LDB2: variants seen among roughly 807,000 people sequenced by gnomAD.
LDB2 encodes LIM domain binding 2, also known as LIM domain-binding protein 2.
In LDB2, 12 loss-of-function variants were observed where a neutral mutation model predicts 44.3. The ratio of observed to expected loss-of-function variants is 0.27; its 90% CI spans 0.17 to 0.44. The LOEUF (loss-of-function observed/expected upper bound fraction) is 0.44. Among genes scored for constraint, LDB2 ranks in the 20% least tolerant of loss-of-function variants. The pLI is 1.00. For missense variants in LDB2, 344 were observed against 473.5 expected (o/e 0.73, Z 2.54); for synonymous variants, 164 against 174.8 (o/e 0.94, Z 0.49).
intron 2 of LDB2, among the ~76,000 whole-genome samples, chr4:16,742,699 T>C (rs1292523962): frequency 6.6e-6 from 1 of 152,200 alleles, no homozygotes; most frequent in African/African-American, 2.4e-5. Context: ...GAATCAGGTA[T>C]ACCCAAGAGT....
intron 2 of LDB2, among the ~76,000 whole-genome samples, chr4:16,642,262 C>G (rs1038745454): frequency 5.9e-5 from 9 of 152,024 alleles, no homozygotes; most frequent in African/African-American, 1.2e-4. Context: ...AAGTCTGAAC[C>G]TTCTAGCATG....
At chr4:16,567,037 C>T (rs1397443598) in intron 5 of LDB2, among the ~76,000 whole-genome samples, 1 of 152,172 alleles carries the variant, frequency 6.6e-6, no homozygotes, top group Non-Finnish European at 1.5e-5. Flanking sequence ...GCTGGTGTAA[C>T]TGAAACTTGG....
intron 5 of LDB2, among the ~76,000 whole-genome samples, chr4:16,525,236 A>C (rs1453400631): frequency 1.3e-5 from 2 of 152,134 alleles, no homozygotes; most frequent in African/African-American, 4.8e-5. Flanking sequence ...GCTGCTGATC[A>C]GTGTGGGGAT....
chr4:16,563,071 T>G (rs1348130650), intron 5 of LDB2, among the ~76,000 whole-genome samples: 82 of 132,264 alleles, frequency 6.2e-4, no homozygotes, highest in Admixed American at 8.8e-4. Flanking sequence ...TGTTGTGGGG[T>G]GGGGGGAGAG....
At chr4:16,589,492 ATATATAT>A (rs2152430871) in intron 3 of LDB2, among the ~76,000 whole-genome samples, 1 of 152,320 alleles carries the variant, frequency 6.6e-6, no homozygotes, top group African/African-American at 2.4e-5. Context: ...TCTAAGAATA[ATATATAT>A]TATTAATGAA....
chr4:16,590,695 T>C (rs1470585607), intron 3 of LDB2, among the ~76,000 whole-genome samples: 2 of 152,228 alleles, frequency 1.3e-5, no homozygotes, highest in African/African-American at 4.8e-5. Flanking sequence ...GGGATAATTA[T>C]TGATAATCTG....
chr4:16,664,645 C>T (rs974349796), intron 2 of LDB2, among the ~76,000 whole-genome samples: 9 of 152,198 alleles, frequency 5.9e-5, no homozygotes, highest in African/African-American at 2.2e-4. Flanking sequence ...AATGTGATTA[C>T]TAAAAAAATC....
chr4:16,713,721 G>T (rs527713683), intron 2 of LDB2, among the ~76,000 whole-genome samples: 6 of 152,166 alleles, frequency 3.9e-5, no homozygotes, highest in Non-Finnish European at 8.8e-5. Flanking sequence ...AGAGCTAGTG[G>T]GACAAGAGGA....
At chr4:16,783,557 G>C (rs1170970838) in intron 1 of LDB2, among the ~76,000 whole-genome samples, 1 of 152,260 alleles carries the variant, frequency 6.6e-6, no homozygotes, top group Non-Finnish European at 1.5e-5. Context: ...AGGCAGAGCT[G>C]GCTTATGGAG....
At chr4:16,768,827 C>T (rs1769951196) in intron 1 of LDB2, among the ~76,000 whole-genome samples, 1 of 152,152 alleles carries the variant, frequency 6.6e-6, no homozygotes, top group African/African-American at 2.4e-5. Context: ...TAAAACCTCA[C>T]CATGACCCTA....
At chr4:16,846,056 G>C (rs1200466151) in intron 1 of LDB2, among the ~76,000 whole-genome samples, 3 of 150,704 alleles carry the variant, frequency 2.0e-5, no homozygotes, top group Non-Finnish European at 2.9e-5. Context: ...AGAGCTTGCA[G>C]TGAGCTGAGA....
intron 1 of LDB2, among the ~76,000 whole-genome samples, chr4:16,837,557 C>T (rs1305499692): frequency 2.6e-5 from 4 of 152,178 alleles, no homozygotes; most frequent in African/African-American, 9.7e-5. Context: ...ACTTAGAAGT[C>T]ACTTGCACAC....
chr4:16,608,340 AG>A (rs1377927787), intron 2 of LDB2, among the ~76,000 whole-genome samples: 2 of 152,158 alleles, frequency 1.3e-5, no homozygotes, highest in Non-Finnish European at 2.9e-5. Flanking sequence ...GGGAGTCCAC[AG>A]GGGGCTGTGC....
At chr4:16,661,141 C>A (rs1242608644) in intron 2 of LDB2, among the ~76,000 whole-genome samples, 1 of 152,168 alleles carries the variant, frequency 6.6e-6, no homozygotes, top group Non-Finnish European at 1.5e-5. Context: ...GTACATTGTA[C>A]AAGATTCATT....
chr4:16,709,338 A>C (rs1047515629), intron 2 of LDB2, among the ~76,000 whole-genome samples: 1 of 152,124 alleles, frequency 6.6e-6, no homozygotes, highest in Non-Finnish European at 1.5e-5. Flanking sequence ...CTGCCTCAAG[A>C]CCCAATGGGA....
chr4:16,699,868 G>A (rs1202082971), intron 2 of LDB2, among the ~76,000 whole-genome samples: 1 of 152,154 alleles, frequency 6.6e-6, no homozygotes, highest in Non-Finnish European at 1.5e-5. Context: ...GGCGAACGCT[G>A]CATCCACTTA....
intron 1 of LDB2, among the ~76,000 whole-genome samples, chr4:16,877,998 C>T (rs1158229679): frequency 1.3e-5 from 2 of 151,672 alleles, no homozygotes; most frequent in South Asian, 2.1e-4. Flanking sequence ...TAATGAGATT[C>T]AAAAATGGCA....
At chr4:16,553,522 G>GT (rs1186456997) in intron 5 of LDB2, among the ~76,000 whole-genome samples, 11 of 151,934 alleles carry the variant, frequency 7.2e-5, no homozygotes, top group East Asian at 5.8e-4. Flanking sequence ...GCATGGAGAG[G>GT]TTTTTTTTGT....
intron 2 of LDB2, among the ~76,000 whole-genome samples, chr4:16,650,337 G>A (rs1737923188): frequency 6.6e-6 from 1 of 152,064 alleles, no homozygotes; most frequent in East Asian, 1.9e-4. Context: ...GCACGTTTTT[G>A]ATTATTATTA....
Sources: allele counts gnomAD v4.1 joint callset (sites outside exome capture counted in the v4.1 genomes callset), GRCh38; gene constraint gnomAD v4.1.1; transcripts MANE v1.5; gene names NCBI Gene and HGNC (gene_info 2026-07-23, HGNC 2026-07-21).